Variants in ATR observed in about 807,000 individuals in gnomAD.
ATR encodes the protein ATR checkpoint kinase, also known as serine/threonine-protein kinase ATR.
In ATR, 142 loss-of-function variants were observed where a neutral mutation model predicts 305.3. That is an observed-to-expected ratio of 0.47 (90% CI 0.41 to 0.53). The LOEUF is 0.53. ATR is among the 20% of genes least tolerant of loss of function. The pLI is 0.00. For synonymous variants in ATR, 1,050 were observed against 1,068.1 expected (o/e 0.98, Z 0.33); for missense variants, 2,135 against 3,133.1 (o/e 0.68, Z 7.60).
intron 22 of ATR, 137 bp from the exon 23 acceptor site, chr3:142,522,978 C>A (rs2033210619): frequency 4.2e-6 from 3 of 722,302 alleles, no homozygotes; most frequent in Non-Finnish European, 7.2e-6. Flanking sequence ...CAGTGAGGTT[C>A]AAACTAAGTT....
intron 41 of ATR, among the ~76,000 whole-genome samples, chr3:142,463,616 C>T (rs945603504): frequency 1.3e-5 from 2 of 152,186 alleles, no homozygotes; most frequent in East Asian, 1.9e-4. Flanking sequence ...AGGCTGGTCT[C>T]GAACTACTGG....
chr3:142,571,715 T>C (rs969708609), intron 1 of ATR, among the ~76,000 whole-genome samples: 1 of 152,162 alleles, frequency 6.6e-6, no homozygotes, highest in African/African-American at 2.4e-5. Context: ...AAAATGTTCA[T>C]ACATTTTCCC....
At chr3:142,500,019 C>A in intron 30 of ATR, 2 of 227,366 alleles carry the variant, frequency 8.8e-6, no homozygotes, top group Non-Finnish European at 1.7e-5. Context: ...ATAACTAAGC[C>A]CATTGTAAAA....
chr3:142,505,376 T>C, intron 28 of ATR, 73 bp from the exon 29 acceptor site: 1 of 1,563,766 alleles, frequency 6.4e-7, no homozygotes, highest in Non-Finnish European at 8.7e-7. Flanking sequence ...TAAAACCACC[T>C]GTTTATATTG....
At chr3:142,465,435 CA>C in intron 40 of ATR, 195 bp from the exon 41 acceptor site, 2 of 353,090 alleles carry the variant, frequency 5.7e-6, no homozygotes, top group Non-Finnish European at 1.0e-5. Flanking sequence ...TGAACAGAAA[CA>C]TTTTCACCCA....
chr3:142,561,011 T>G (rs1156376865), intron 5 of ATR, among the ~76,000 whole-genome samples: 1 of 152,204 alleles, frequency 6.6e-6, no homozygotes, highest in Non-Finnish European at 1.5e-5. Context: ...TATTAAAAAG[T>G]TAAATTAGAT....
chr3:142,559,127 T>C, intron 7 of ATR, 124 bp downstream of exon 7: 5 of 1,063,602 alleles, frequency 4.7e-6, no homozygotes, highest in Non-Finnish European at 6.8e-6. Context: ...TTAATAGAAC[T>C]GAAATCAGGA....
chr3:142,562,399 T>C lies in ATR; in HGVS notation c.1003A>G (p.Met335Val), dbSNP rs1320065796. 6.2e-7 allele frequency: 1 copy of C among 1,614,144 alleles called. No individual in the cohort carries two copies. The highest frequency in any genetic ancestry group is 1.1e-5 in the South Asian group (1 of 91,084). Residue 335 changes from methionine (M) to valine (V), a missense_variant, in exon 4 of 47, where the codon ATG (methionine) becomes GTG (valine). Transcript: ENST00000350721. ...TTTAGCAAATCAGACTTAAGCCGCA[T>C]GAGCACACCGTCTTCAAACATGACA... is the stretch of plus-strand genomic sequence containing the variant. ...LCVMFEDGVL[M>V]RLKSDLLKAA... is the part of the protein sequence containing the mutation.
At position 142,469,442 on chromosome 3, in the gene ATR, A is replaced by G; in HGVS notation, c.6447T>C (p.Ile2149=). The G allele has an allele frequency of 6.2e-7, 1 of 1,613,954 alleles. No individual in the cohort carries two copies. Among genetic ancestry groups the G allele is most frequent in the Non-Finnish European group, 8.5e-7 (1 of 1,179,888 alleles). The change falls in exon 38 of 47, where the codon ATT becomes ATC. Residue 2149 remains isoleucine (I), a synonymous_variant. Coordinates refer to ENST00000350721, the MANE Select transcript of ATR (RefSeq NM_001184.4). ...LTAFSQLISR[I]CHSHDEVFVV... is the part of the protein sequence containing the mutation. ...CAAAAACTTCATCGTGAGAATGACA[A>G]ATTCGAGAGATCAATTGTGAAAAAG...
In ATR at chr3:142,547,957, T is replaced by A. The variant is rs760855748; in HGVS notation, c.3172-47A>T. 3 of 1,514,750 alleles carry A rather than the reference T, an allele frequency of 2.0e-6. No individual in the cohort carries two copies. In the African/African-American group the frequency reaches 4.1e-5, roughly 21 times the overall value. 93.8% of individuals were successfully genotyped at this position (1,514,750 alleles called of 1,614,324 possible). On this transcript the variant is annotated intron_variant, in intron 15 of 46. Transcript: ENST00000350721. ...AAAAATTTTTTTCTTCATACTAATATCCTGGAAATAAGTATACTGATTTTA... is the reference window on the plus strand; with the variant it reads ...AAAAATTTTTTTCTTCATACTAATAACCTGGAAATAAGTATACTGATTTTA...
At chr3:142,453,974 C>T (rs1361652692) in intron 45 of ATR, among the ~76,000 whole-genome samples, 1 of 152,200 alleles carries the variant, frequency 6.6e-6, no homozygotes, top group Non-Finnish European at 1.5e-5. Context: ...ATTTTTTCTA[C>T]AGTACAAATC....
chr3:142,530,709 T>A (rs1382359792), intron 21 of ATR, among the ~76,000 whole-genome samples: 1 of 152,144 alleles, frequency 6.6e-6, no homozygotes, highest in Non-Finnish European at 1.5e-5. Flanking sequence ...ACCCTTAAAA[T>A]TCTCCCTCTT....
intron 1 of ATR, among the ~76,000 whole-genome samples, chr3:142,573,817 T>C (rs1431017269): frequency 2.0e-5 from 3 of 152,182 alleles, no homozygotes; most frequent in African/African-American, 7.2e-5. Context: ...ACATCTCAAT[T>C]TAGACTAGCC....
intron 36 of ATR, chr3:142,472,062 T>G (rs2071285414): frequency 6.6e-6 from 1 of 151,174 alleles, no homozygotes; most frequent in African/African-American, 2.4e-5. Context: ...ATTCCTTCTT[T>G]TTTAAGCCTG....
In ATR at chr3:142,547,742, T is replaced by C. The variant is rs781663208; in HGVS notation, c.3340A>G (p.Ile1114Val). 3.1e-6 allele frequency: 5 copies of C among 1,613,664 alleles called. No homozygotes were observed. In the African/African-American group the frequency reaches 6.7e-5, roughly 22 times the overall value. ...DDPYQGPRDIISPELMADYLQ... is the reference protein window; with the variant it reads ...DDPYQGPRDIVSPELMADYLQ... ...TTCCTTACCATCAGTTCAGGTGATA[T>C]GATATCTCTCGGGCCCTGATATGGA... Residue 1114 changes from isoleucine to valine, a missense_variant, in exon 16 of 47, where the codon ATA (isoleucine) becomes GTA (valine). Ile to Val is a conservative substitution (Grantham distance 29, BLOSUM62 3). Around this residue, in one of 9 missense-constraint regions of ATR, gnomAD observed 530 missense variants for 766.8 expected, o/e 0.69. Transcript: ENST00000350721.
intron 24 of ATR, among the ~76,000 whole-genome samples, chr3:142,516,984 A>ATATATATATATATATATATATAT (rs2032892222): frequency 5.0e-4 from 70 of 139,114 alleles, no homozygotes; most frequent in African/African-American, 1.8e-3. Context: ...ATACCCAAAT[A>ATATATATATATATATATATATAT]ATATATATAT....
intron 27 of ATR, among the ~76,000 whole-genome samples, chr3:142,510,796 G>A (rs1441201237): frequency 6.6e-6 from 1 of 151,064 alleles, no homozygotes; most frequent in Admixed American, 6.6e-5. Context: ...TCCACTTATT[G>A]CCAAGAATGG....
chr3:142,568,098 T>C lies in ATR; in HGVS notation c.116A>G (p.Gln39Arg), dbSNP rs2035132762. The change falls in exon 2 of 47, where the codon CAA becomes CGA. Residue 39 changes from glutamine (Q) to arginine (R), a missense_variant. Physicochemically the swap from Gln to Arg is conservative, Grantham distance 43 (BLOSUM62 1). Around this residue, in one of 9 missense-constraint regions of ATR, gnomAD observed 744 missense variants for 873.2 expected, o/e 0.85. Coordinates refer to ENST00000350721, the MANE Select transcript of ATR (RefSeq NM_001184.4). ...VVQKPRQILC[Q>R]FIDRILTDVN... Reference sequence around the variant, plus strand: ...ATCTGTAAGTATCCGGTCAATGAATTGACACAGAATTTGTCTTGGCTTCTG... The same window carrying C: ...ATCTGTAAGTATCCGGTCAATGAATCGACACAGAATTTGTCTTGGCTTCTG... 6 of 1,612,420 alleles carry C rather than the reference T, an allele frequency of 3.7e-6. No homozygotes were observed. The South Asian group carries it at 6.6e-5, about 18-fold the overall frequency.
intron 36 of ATR, among the ~76,000 whole-genome samples, chr3:142,475,887 T>C (rs1384989587): frequency 2.6e-5 from 4 of 152,250 alleles, no homozygotes; most frequent in African/African-American, 9.6e-5. Context: ...GTTGGCTGCA[T>C]AAATGTCTTC....
Sources: allele counts gnomAD v4.1 joint callset (sites outside exome capture counted in the v4.1 genomes callset), GRCh38; gene constraint gnomAD v4.1.1; regional missense constraint gnomAD v4.1.1; transcripts MANE v1.5; gene names NCBI Gene and HGNC (gene_info 2026-07-23, HGNC 2026-07-21).